PRIM2: variants seen among roughly 807,000 people sequenced by gnomAD.
The protein encoded by PRIM2 is DNA primase subunit 2.
PRIM2 carries 39 observed loss-of-function variants against 67.3 expected under a neutral mutation model. The observed-to-expected ratio is 0.58, with a 90% confidence interval of 0.45 to 0.76. The LOEUF is 0.76. PRIM2 is among the 30% of genes least tolerant of loss of function. The probability of loss-of-function intolerance (pLI) is 0.00; values close to 1 mark genes in which losing one functional copy is unlikely to be tolerated. For synonymous variants in PRIM2, 143 were observed against 198.7 expected, an observed-to-expected ratio of 0.72 and a Z score of 2.36; for missense variants, 398 against 598.7, an observed-to-expected ratio of 0.66 and a Z score of 3.50.
the PRIM2 span, among the ~76,000 whole-genome samples, chr6:57,275,346 A>C: frequency 6.6e-6 from 1 of 152,096 alleles, no homozygotes; most frequent in Non-Finnish European, 1.5e-5. Flanking sequence ...CAAATTAGCG[A>C]GGCGTGGTGG....
At chr6:57,411,769 C>T (rs1219167269) in intron 7 of PRIM2, among the ~76,000 whole-genome samples, 1 of 151,970 alleles carries the variant, frequency 6.6e-6, no homozygotes, top group Non-Finnish European at 1.5e-5. Context: ...TTGATCTAGA[C>T]TTTTCCTTTC....
chr6:57,484,491 A>C (rs1249950283), intron 7 of PRIM2, among the ~76,000 whole-genome samples: 18 of 152,332 alleles, frequency 1.2e-4, no homozygotes, highest in Middle Eastern at 3.4e-3. Context: ...GAGTTTAAAA[A>C]AATCCCAACT....
At chr6:57,396,124 AT>A (rs1337951322) in intron 7 of PRIM2, among the ~76,000 whole-genome samples, 5 of 152,142 alleles carry the variant, frequency 3.3e-5, no homozygotes, top group African/African-American at 1.2e-4. Flanking sequence ...TAGAATGTGT[AT>A]TCTGAGGTTG....
chr6:57,348,351 A>G (rs1442159640), intron 5 of PRIM2, among the ~76,000 whole-genome samples: 2 of 152,218 alleles, frequency 1.3e-5, no homozygotes, highest in East Asian at 3.8e-4. Flanking sequence ...TAGGTAAAAA[A>G]TATATTTTTA....
intron 7 of PRIM2, among the ~76,000 whole-genome samples, chr6:57,483,060 A>C (rs1773667996): frequency 6.6e-6 from 1 of 152,030 alleles, no homozygotes; most frequent in Admixed American, 6.6e-5. Context: ...CAGGTGTGAC[A>C]CCACGCCTGG....
chr6:57,508,970 C>T (rs1478039023), intron 8 of PRIM2, among the ~76,000 whole-genome samples: 19 of 152,264 alleles, frequency 1.2e-4, no homozygotes, highest in African/African-American at 4.6e-4. Context: ...TAGTGTTTTC[C>T]TTTATGGTTT....
In PRIM2 at chr6:57,439,079, A is replaced by C. The variant is rs1772109535; in HGVS notation, c.693+56911A>C. 2.6e-5 allele frequency among the ~76,000 whole-genome samples: 4 copies of C among 152,214 alleles called. No individual in the cohort carries two copies. The South Asian group carries it at 8.3e-4, about 32-fold the overall frequency. On this transcript the variant is annotated intron_variant, in intron 7 of 13. Coordinates refer to ENST00000615550, the MANE Select transcript of PRIM2 (RefSeq NM_000947.5). ...TCACTTAGTCACTATTGGGTTTTTGAGGAGTTCAGCAGTCATAACTTGGAT... is the reference window on the plus strand; with the variant it reads ...TCACTTAGTCACTATTGGGTTTTTGCGGAGTTCAGCAGTCATAACTTGGAT...
rs1439347931 is a variant in PRIM2 at position 57,626,864 on chromosome 6, A to G, written c.1231-5269A>G. Among the ~76,000 whole-genome samples the G allele has an allele frequency of 2.2e-4, 34 of 152,132 alleles. No individual in the cohort carries two copies. The East Asian group carries it at 6.2e-3, about 28-fold the overall frequency. ...TGGTCTTGAACTCCTGGACTTAAGCAATCCACCTGCCCTGGCCTCCCAAAG... is the reference window on the plus strand; with the variant it reads ...TGGTCTTGAACTCCTGGACTTAAGCGATCCACCTGCCCTGGCCTCCCAAAG... On this transcript the variant is annotated intron_variant, in intron 12 of 13. Coordinates refer to ENST00000615550, the MANE Select transcript of PRIM2 (RefSeq NM_000947.5).
intron 7 of PRIM2, among the ~76,000 whole-genome samples, chr6:57,400,745 T>A (rs1480939949): frequency 2.6e-5 from 4 of 152,214 alleles, no homozygotes; most frequent in Non-Finnish European, 5.9e-5. Flanking sequence ...AAGTGAATAA[T>A]CCCATACTTC....
At chr6:57,396,638 G>A (rs911948817) in intron 7 of PRIM2, among the ~76,000 whole-genome samples, 3 of 152,092 alleles carry the variant, frequency 2.0e-5, no homozygotes, top group Non-Finnish European at 4.4e-5. Context: ...GAGCATTTAG[G>A]TCATTTACAT....
rs575958629 is a variant in PRIM2 at position 57,422,158 on chromosome 6, CT to C, written c.693+40004del. On this transcript the variant is annotated intron_variant, in intron 7 of 13. Transcript: ENST00000615550. ...AAATTCAAAAGTATTTCTTTTCTTT[CT>C]TTTTTTTTTTTTTGAGATGGAGTCT... Among the ~76,000 whole-genome samples, 225 of 103,286 alleles carry C rather than the reference CT, an allele frequency of 2.2e-3. 8 individuals carry two copies. The highest frequency in any genetic ancestry group is 5.3e-3 in the African/African-American group (153 of 28,938). The allele number at this position is 103,286 out of a possible 152,430, so 67.8% of individuals were successfully genotyped here.
intron 7 of PRIM2, among the ~76,000 whole-genome samples, chr6:57,410,700 T>G (rs1451504412): frequency 2.0e-5 from 3 of 152,070 alleles, no homozygotes; most frequent in Non-Finnish European, 4.4e-5. Flanking sequence ...TTATTTTTTT[T>G]CTTTCCAACT....
chr6:57,328,021 C>T (rs1028417949), intron 5 of PRIM2, among the ~76,000 whole-genome samples: 6 of 152,120 alleles, frequency 3.9e-5, no homozygotes, highest in Non-Finnish European at 8.8e-5. Context: ...TCTAATGCCT[C>T]CACTAATCTG....
chr6:57,259,059 A>G, the PRIM2 span, among the ~76,000 whole-genome samples: 20 of 152,244 alleles, frequency 1.3e-4, no homozygotes, highest in Non-Finnish European at 2.8e-4. Flanking sequence ...GATATATTAT[A>G]GCAACATCAT....
At chr6:57,305,105 G>T in the PRIM2 span, among the ~76,000 whole-genome samples, 3 of 152,264 alleles carry the variant, frequency 2.0e-5, no homozygotes, top group Admixed American at 2.0e-4. Flanking sequence ...TTCTTACTGA[G>T]AATGTGAACT....
At chr6:57,273,653 T>TG in the PRIM2 span, among the ~76,000 whole-genome samples, 1 of 152,244 alleles carries the variant, frequency 6.6e-6, no homozygotes, top group Admixed American at 6.5e-5. Flanking sequence ...CATCCAGCTT[T>TG]GTTTCGTTGC....
intron 7 of PRIM2, among the ~76,000 whole-genome samples, chr6:57,499,866 G>A (rs1774093965): frequency 6.6e-6 from 1 of 152,104 alleles, no homozygotes; most frequent in South Asian, 2.1e-4. Context: ...AATATGGGAA[G>A]GTTTAGCCAG....
At chr6:57,389,124 G>A (rs1770244740) in intron 7 of PRIM2, among the ~76,000 whole-genome samples, 1 of 151,880 alleles carries the variant, frequency 6.6e-6, no homozygotes, top group East Asian at 1.9e-4. Flanking sequence ...TTTATTTTTA[G>A]ACAGGGTCTC....
intron 7 of PRIM2, among the ~76,000 whole-genome samples, chr6:57,386,944 A>G (rs1178464583): frequency 2.6e-5 from 4 of 152,180 alleles, no homozygotes; most frequent in Admixed American, 6.6e-5. Flanking sequence ...ACCCCAGGTG[A>G]CAACTGAAAG....
Sources: gnomAD v4.1 joint callset for allele counts (sites outside exome capture counted in the v4.1 genomes callset) on GRCh38, gnomAD v4.1.1 for gene constraint, MANE v1.5 for transcripts, NCBI Gene and HGNC (gene_info 2026-07-23, HGNC 2026-07-21) for gene names.